The following SSBP3 variants were observed in gnomAD, a reference collection of about 807,000 sequenced individuals.
SSBP3 encodes single stranded DNA binding protein 3.
Under a neutral mutation model 69.6 loss-of-function variants are expected in SSBP3, and 5 were observed. That is an observed-to-expected ratio of 0.07 (90% CI 0.04 to 0.15). SSBP3 has a LOEUF of 0.15. Among genes scored for constraint, SSBP3 ranks in the 10% least tolerant of loss-of-function variants. The pLI, the probability that SSBP3 is intolerant of heterozygous loss-of-function variation, is 1.00. For synonymous variants in SSBP3, 196 were observed against 193.4 expected (o/e 1.01, Z -0.11); for missense variants, 312 against 534.0 (o/e 0.58, Z 4.10).
intron 5 of SSBP3, among the ~76,000 whole-genome samples, chr1:54,273,437 G>A (rs924316934): frequency 2.6e-5 from 4 of 152,232 alleles, no homozygotes; most frequent in African/African-American, 7.2e-5. Flanking sequence ...AGCCTGGCAC[G>A]TCAGGAGTAA....
At position 54,411,621 on chromosome 1, in the gene SSBP3, G is replaced by A. The variant is rs189009270; in HGVS notation, c.-275+1735C>T. 5.3e-5 allele frequency among the ~76,000 whole-genome samples: 8 copies of A among 152,154 alleles called. No homozygotes were observed. In the East Asian group the frequency reaches 5.8e-4, roughly 11 times the overall value. On this transcript the variant is annotated intron_variant, in intron 1 of 8. Transcript: ENST00000525990. Reference sequence around the variant, plus strand: ...AAGAAAGCAGAAGGCTGCCGGGCGCGGTGGTTCACGCCTGTAATCCCGGCA... The same window carrying A: ...AAGAAAGCAGAAGGCTGCCGGGCGCAGTGGTTCACGCCTGTAATCCCGGCA...
At chr1:54,348,803 C>G (rs61776538) in intron 4 of SSBP3, among the ~76,000 whole-genome samples, 13,750 of 152,292 alleles carry the variant, frequency 0.09, 853 homozygotes, top group Non-Finnish European at 0.14. Flanking sequence ...AGGCCAAGGC[C>G]TTGGAAGTGA....
intron 13 of SSBP3, among the ~76,000 whole-genome samples, chr1:54,240,118 GCGCAACA>G (rs1557449237): frequency 1.2e-3 from 9 of 7,294 alleles, no homozygotes; most frequent in African/African-American, 5.9e-3. Context: ...GCGCGCGCGC[GCGCAACA>G]CATGCCCACG....
At chr1:54,279,488 A>C in intron 5 of SSBP3, among the ~76,000 whole-genome samples, 1 of 152,374 alleles carries the variant, frequency 6.6e-6, no homozygotes, top group South Asian at 2.1e-4. Flanking sequence ...TTTTTAAAAC[A>C]TACAACTAGG....
intron 14 of SSBP3, among the ~76,000 whole-genome samples, chr1:54,232,688 C>T: frequency 6.6e-6 from 1 of 151,942 alleles, no homozygotes; most frequent in East Asian, 1.9e-4. Context: ...ACTGCAACCT[C>T]CCTGCCTGAT....
intron 4 of SSBP3, among the ~76,000 whole-genome samples, chr1:54,371,090 G>T (rs964428008): frequency 3.3e-5 from 5 of 152,302 alleles, no homozygotes; most frequent in Non-Finnish European, 5.9e-5. Context: ...CCAAGGGGGG[G>T]TATGCTGAAG....
intron 5 of SSBP3, among the ~76,000 whole-genome samples, chr1:54,271,849 A>C (rs2100822267): frequency 6.6e-6 from 1 of 152,136 alleles, no homozygotes; most frequent in African/African-American, 2.4e-5. Context: ...AGCTCACTGC[A>C]ACCTCTGCCT....
At chr1:54,291,418 C>T (rs1645604586) in intron 4 of SSBP3, among the ~76,000 whole-genome samples, 1 of 152,234 alleles carries the variant, frequency 6.6e-6, no homozygotes, top group African/African-American at 2.4e-5. Context: ...CCCTTGAGCT[C>T]CTTGGCCAGG....
chr1:54,257,064 A>G, intron 7 of SSBP3, 63 bp downstream of exon 7: 4 of 1,516,280 alleles, frequency 2.6e-6, no homozygotes, highest in Admixed American at 4.2e-5. Flanking sequence ...ATTTTGTGTC[A>G]AAGTCCACCT....
At chr1:54,387,776 G>A (rs911184362) in intron 4 of SSBP3, among the ~76,000 whole-genome samples, 1 of 152,076 alleles carries the variant, frequency 6.6e-6, no homozygotes, top group African/African-American at 2.4e-5. Flanking sequence ...AGACTCCTGC[G>A]ATCGGCTCTC....
At chr1:54,250,728 G>A (rs767025428) in intron 9 of SSBP3, among the ~76,000 whole-genome samples, 3 of 152,148 alleles carry the variant, frequency 2.0e-5, no homozygotes, top group Non-Finnish European at 2.9e-5. Flanking sequence ...CTTTAGTTAG[G>A]GGCTAGAGAA....
chr1:54,276,325 C>T (rs1428497735), intron 5 of SSBP3, among the ~76,000 whole-genome samples: 3 of 152,090 alleles, frequency 2.0e-5, no homozygotes, highest in Non-Finnish European at 4.4e-5. Context: ...TGGTCAGCTA[C>T]TTCCTGGCCG....
chr1:54,342,373 T>G (rs1429521201), intron 4 of SSBP3, among the ~76,000 whole-genome samples: 10 of 152,346 alleles, frequency 6.6e-5, no homozygotes, highest in Non-Finnish European at 7.4e-5. Flanking sequence ...TGTGTGGCCC[T>G]CCCTCCCTGG....
At chr1:54,295,408 T>C (rs1385253746) in intron 4 of SSBP3, among the ~76,000 whole-genome samples, 1 of 152,232 alleles carries the variant, frequency 6.6e-6, no homozygotes, top group East Asian at 1.9e-4. Context: ...AAGTCCCAAG[T>C]AGGTTCATGA....
At chr1:54,257,269 C>T (rs2100744524) in intron 6 of SSBP3, 83 bp from the exon 7 acceptor site, 1 of 1,259,882 alleles carries the variant, frequency 7.9e-7, no homozygotes, top group Non-Finnish European at 1.1e-6. Context: ...CCACAAAGTC[C>T]AGTTTTGTTA....
chr1:54,240,949 C>A, exon 13 of SSBP3: 1 of 1,610,136 alleles, frequency 6.2e-7, no homozygotes, highest in Non-Finnish European at 8.5e-7. Context: ...ACCGCCACCA[C>A]CAGGGGGTCC....
intron 14 of SSBP3, among the ~76,000 whole-genome samples, chr1:54,230,407 T>C (rs1393768111): frequency 2.6e-5 from 4 of 152,226 alleles, no homozygotes; most frequent in African/African-American, 7.2e-5. Flanking sequence ...TTTATGCACA[T>C]GTATGTCATT....
At position 54,251,543 on chromosome 1, in the gene SSBP3, G is replaced by A. The variant is rs1002083965; in HGVS notation, c.651+73C>T. 4 of 1,442,178 alleles carry A rather than the reference G, an allele frequency of 2.8e-6. No individual in the cohort carries two copies. The African/African-American group carries it at 4.3e-5, about 15-fold the overall frequency. 89.3% of individuals were successfully genotyped at this position (1,442,178 alleles called of 1,614,324 possible). A position where few individuals can be genotyped will look rare whatever the true frequency, so the allele number is the denominator to read the frequency against. ...CTGAGAGATGTGGGAGACTGACAGA[G>A]CATGGAAACAGGAGAGAAGGCGGGT... On this transcript the variant is annotated intron_variant, in intron 9 of 17. Coordinates refer to ENST00000610401, the Ensembl canonical transcript of SSBP3.
At chr1:54,316,397 T>A (rs1646098765) in intron 4 of SSBP3, among the ~76,000 whole-genome samples, 2 of 146,176 alleles carry the variant, frequency 1.4e-5, no homozygotes. Context: ...CCCAGCACTT[T>A]GGGAGGCCGA....
Sources: gnomAD v4.1 joint callset for allele counts (sites outside exome capture counted in the v4.1 genomes callset) on GRCh38, gnomAD v4.1.1 for gene constraint, MANE v1.5 for transcripts, NCBI Gene and HGNC (gene_info 2026-07-23, HGNC 2026-07-21) for gene names.